The following PRKCB variants were observed in gnomAD, a reference collection of about 807,000 sequenced individuals.
The protein encoded by PRKCB is protein kinase C beta.
In PRKCB, 13 loss-of-function variants were observed where a neutral mutation model predicts 81.5. The observed-to-expected ratio is 0.16, with a 90% confidence interval of 0.10 to 0.25. PRKCB has a LOEUF of 0.25. PRKCB is among the 10% of genes least tolerant of loss of function. The pLI, the probability that PRKCB is intolerant of heterozygous loss-of-function variation, is 1.00. For synonymous variants in PRKCB, 335 were observed against 321.4 expected, an observed-to-expected ratio of 1.04 and a Z score of -0.45; for missense variants, 509 against 875.7, an observed-to-expected ratio of 0.58 and a Z score of 5.29.
chr16:23,883,203 T>A (rs972947854), intron 2 of PRKCB, among the ~76,000 whole-genome samples: 1 of 152,146 alleles, frequency 6.6e-6, no homozygotes, highest in Non-Finnish European at 1.5e-5. Context: ...GTCATGATAC[T>A]GAATCAGGAT....
At chr16:23,875,940 G>C (rs1963007268) in intron 2 of PRKCB, among the ~76,000 whole-genome samples, 1 of 152,208 alleles carries the variant, frequency 6.6e-6, no homozygotes, top group East Asian at 1.9e-4. Flanking sequence ...ACCAGGGCTA[G>C]AACTGAGAAG....
At chr16:24,053,454 G>T (rs1302131438) in intron 5 of PRKCB, among the ~76,000 whole-genome samples, 1 of 152,264 alleles carries the variant, frequency 6.6e-6, no homozygotes, top group Non-Finnish European at 1.5e-5. Flanking sequence ...ACAAAAACAG[G>T]CAGGAGGCTG....
intron 2 of PRKCB, among the ~76,000 whole-genome samples, chr16:23,961,198 G>A (rs938085435): frequency 6.6e-6 from 1 of 152,094 alleles, no homozygotes; most frequent in Non-Finnish European, 1.5e-5. Flanking sequence ...GTGAGCCACT[G>A]TGCCCATCTT....
intron 6 of PRKCB, 27 bp from the exon 7 acceptor site, chr16:24,094,136 T>G (rs781741522): frequency 6.2e-7 from 1 of 1,609,598 alleles, no homozygotes; most frequent in Non-Finnish European, 8.5e-7. Flanking sequence ...CAACCTCCAC[T>G]GATGTCTTTT....
Position 23,957,470 on chromosome 16 carries a change from G to A in PRKCB, c.206-31038G>A, listed in dbSNP as rs889108100. 5.9e-5 allele frequency among the ~76,000 whole-genome samples: 9 copies of A among 152,296 alleles called. No individual in the cohort carries two copies. In the East Asian group the frequency reaches 1.3e-3, roughly 23 times the overall value. ...TGAGTACCCACCCAAAGCCCCAGGT[G>A]TCCCAGGAGAGAGAAGATTGAAAAC... is the stretch of plus-strand genomic sequence containing the variant. On this transcript the variant is annotated intron_variant, in intron 2 of 16. Transcript: ENST00000643927.
chr16:24,191,277 A>G, intron 16 of PRKCB, 47 bp downstream of exon 16: 1 of 1,607,564 alleles, frequency 6.2e-7, no homozygotes. Flanking sequence ...CACACAAGGT[A>G]TTCTTGCCTG....
intron 2 of PRKCB, among the ~76,000 whole-genome samples, chr16:23,956,179 T>C (rs1470195391): frequency 2.0e-5 from 3 of 152,140 alleles, no homozygotes; most frequent in African/African-American, 7.2e-5. Flanking sequence ...TGAAGTGCAG[T>C]GGTGTGATCT....
At chr16:24,056,650 A>C (rs1965905886) in intron 5 of PRKCB, among the ~76,000 whole-genome samples, 1 of 151,820 alleles carries the variant, frequency 6.6e-6, no homozygotes, top group African/African-American at 2.4e-5. Flanking sequence ...TTCACTAGAG[A>C]TCTGGTTGTT....
intron 5 of PRKCB, among the ~76,000 whole-genome samples, chr16:24,083,511 C>T (rs1001484573): frequency 6.6e-5 from 10 of 152,188 alleles, no homozygotes; most frequent in African/African-American, 2.4e-4. Context: ...AAAGAATTAA[C>T]TGTTCATATA....
intron 9 of PRKCB, among the ~76,000 whole-genome samples, chr16:24,138,461 CTTTTA>C (rs1239018207): frequency 6.6e-6 from 1 of 152,170 alleles, no homozygotes; most frequent in Admixed American, 6.5e-5. Context: ...ATTAAATCTG[CTTTTA>C]TTTTAACTAT....
chr16:23,872,092 C>G (rs890933441), intron 2 of PRKCB, among the ~76,000 whole-genome samples: 1 of 152,158 alleles, frequency 6.6e-6, no homozygotes, highest in Non-Finnish European at 1.5e-5. Context: ...CACGGCTCTT[C>G]TTGTGACTGC....
rs1555481692 is a variant in PRKCB, at chr16:23,882,021, T to TTCTTTCTTTCTTCCTTCCTTCCTTCCTTC, written c.205+44615_205+44616insTCTTTCTTTCTTCCTTCCTTCCTTCCTTC. ...TTCTTTCTTTCTTTCTTTCTTTCTTTCTTCCTTCCTTCCTTCCTTCCTTCC... is the reference window on the plus strand; with the variant it reads ...TTCTTTCTTTCTTTCTTTCTTTCTTTTCTTTCTTTCTTCCTTCCTTCCTTCCTTCCTTCCTTCCTTCCTTCCTTCCTTCC... On this transcript the variant is annotated intron_variant, in intron 2 of 16. Coordinates refer to ENST00000643927, the MANE Select transcript of PRKCB (RefSeq NM_002738.7). Among the ~76,000 whole-genome samples the TTCTTTCTTTCTTCCTTCCTTCCTTCCTTC allele has an allele frequency of 1.0e-3, 57 of 55,634 alleles. 3 individuals are homozygous for TTCTTTCTTTCTTCCTTCCTTCCTTCCTTC. Among genetic ancestry groups the TTCTTTCTTTCTTCCTTCCTTCCTTCCTTC allele is most frequent in the African/African-American group, 1.7e-3 (29 of 16,910 alleles). 36.5% of individuals were successfully genotyped at this position (55,634 alleles called of 152,430 possible). A position where few individuals can be genotyped will look rare whatever the true frequency, so the allele number is the denominator to read the frequency against.
At chr16:24,121,550 AC>A (rs1966798115) in intron 8 of PRKCB, among the ~76,000 whole-genome samples, 1 of 151,950 alleles carries the variant, frequency 6.6e-6, no homozygotes, top group Non-Finnish European at 1.5e-5. Context: ...AGCTAATTAA[AC>A]TTTTTTTTTG....
In PRKCB at chr16:24,217,823, A is replaced by T; in HGVS notation, c.*3007A>T. 6 of 985,444 alleles carry T rather than the reference A, an allele frequency of 6.1e-6. No individual in the cohort carries two copies. Among genetic ancestry groups the T allele is most frequent in the Non-Finnish European group, 7.2e-6 (6 of 829,958 alleles). The allele number at this position is 985,444 out of a possible 1,614,324, so 61.0% of individuals were successfully genotyped here. ...TCCAAATATACCTGCCTTTTAGCTC[A>T]CACACTGTCCTGGAGTTCTCAGACC... On this transcript the variant is annotated 3_prime_UTR_variant, in exon 17 of 17. Coordinates refer to ENST00000643927, the MANE Select transcript of PRKCB (RefSeq NM_002738.7).
At chr16:23,892,447 A>G (rs954040290) in intron 2 of PRKCB, among the ~76,000 whole-genome samples, 32 of 152,260 alleles carry the variant, frequency 2.1e-4, no homozygotes, top group Admixed American at 1.8e-3. Context: ...GTTTTGCAAA[A>G]CCCCAGAGCT....
At chr16:24,045,435 C>T (rs1049648772) in intron 5 of PRKCB, among the ~76,000 whole-genome samples, 6 of 152,146 alleles carry the variant, frequency 3.9e-5, no homozygotes, top group African/African-American at 7.2e-5. Flanking sequence ...CTTGCTGAGT[C>T]GCATATGTTC....
intron 2 of PRKCB, among the ~76,000 whole-genome samples, chr16:23,851,857 T>C (rs1962477562): frequency 6.6e-6 from 1 of 152,184 alleles, no homozygotes; most frequent in African/African-American, 2.4e-5. Flanking sequence ...TAAATTAGTT[T>C]GTTTTCTTAA....
chr16:23,849,030 T>C (rs948031944), intron 2 of PRKCB, among the ~76,000 whole-genome samples: 3 of 152,230 alleles, frequency 2.0e-5, no homozygotes, highest in Admixed American at 6.5e-5. Context: ...ACAGTGGATC[T>C]TAGAGAGAAA....
Position 24,010,914 on chromosome 16 carries a change from G to A in PRKCB, c.289-21222G>A, listed in dbSNP as rs369991184. On this transcript the variant is annotated intron_variant, in intron 3 of 16. Transcript: ENST00000643927. ...TACAAGGTCTCACTGTGTTGCCTAC[G>A]AGTGCAATGGTACCATCACGGCTCA... Among the ~76,000 whole-genome samples the A allele has an allele frequency of 2.7e-3, 404 of 151,954 alleles. 1 individual carries two copies. The highest frequency in any genetic ancestry group is 9.1e-3 in the African/African-American group (376 of 41,412).
Sources: gnomAD v4.1 joint callset for allele counts (sites outside exome capture counted in the v4.1 genomes callset) on GRCh38, gnomAD v4.1.1 for gene constraint, MANE v1.5 for transcripts, NCBI Gene and HGNC (gene_info 2026-07-23, HGNC 2026-07-21) for gene names.